TRIM29: variants seen among roughly 807,000 people sequenced by gnomAD.
The protein encoded by TRIM29 is tripartite motif containing 29.
Under a neutral mutation model 57.3 loss-of-function variants are expected in TRIM29, and 52 were observed. The ratio of observed to expected loss-of-function variants is 0.91; its 90% confidence interval spans 0.73 to 1.14. TRIM29 has a LOEUF of 1.14. Ranked by LOEUF, TRIM29 falls within the 50% of genes most tolerant of loss-of-function variation. The probability of loss-of-function intolerance (pLI) is 0.00; values close to 1 mark genes in which losing one functional copy is unlikely to be tolerated. For missense variants in TRIM29, 753 were observed against 774.6 expected, an observed-to-expected ratio of 0.97 and a Z score of 0.33; for synonymous variants, 319 against 316.9, an observed-to-expected ratio of 1.01 and a Z score of -0.07.
intron 1 of TRIM29, among the ~76,000 whole-genome samples, chr11:120,130,803 G>C (rs972030671): frequency 6.6e-6 from 1 of 152,216 alleles, no homozygotes; most frequent in Non-Finnish European, 1.5e-5. Context: ...TGTGCAGCAT[G>C]GTGGGCAGGT....
At chr11:120,132,548 C>T (rs1266198316) in intron 1 of TRIM29, among the ~76,000 whole-genome samples, 1 of 152,168 alleles carries the variant, frequency 6.6e-6, no homozygotes, top group Non-Finnish European at 1.5e-5. Context: ...TTCCCGAGAG[C>T]AGATGGGTGG....
intron 1 of TRIM29, among the ~76,000 whole-genome samples, chr11:120,132,249 C>T (rs999720524): frequency 1.3e-5 from 2 of 149,346 alleles, no homozygotes; most frequent in Non-Finnish European, 3.0e-5. Flanking sequence ...CCCCATTGTC[C>T]TCTGAGGCCC....
rs767975013 is a variant in TRIM29, at chr11:120,127,372, C to T, written c.1098G>A (p.Gln366=). ...VLHEDKQTRE[Q]LHSISDSVLF... Reference sequence around the variant, plus strand: ...ACACAGAGTCGCTGATGCTATGCAGCTGCTCCCGGGTCTGCTTGTCCTCAT... The same window carrying T: ...ACACAGAGTCGCTGATGCTATGCAGTTGCTCCCGGGTCTGCTTGTCCTCAT... The change falls in exon 3 of 9, where the codon CAG becomes CAA. Residue 366 remains glutamine (Q), a synonymous_variant. Coordinates refer to ENST00000341846, the MANE Select transcript of TRIM29 (RefSeq NM_012101.4). The T allele has an allele frequency of 6.2e-7, 1 of 1,614,054 alleles. No homozygotes were observed. Among genetic ancestry groups the T allele is most frequent in the Non-Finnish European group, 8.5e-7 (1 of 1,180,050 alleles).
intron 8 of TRIM29, among the ~76,000 whole-genome samples, chr11:120,113,277 C>T (rs954550882): frequency 2.6e-5 from 4 of 152,302 alleles, no homozygotes; most frequent in African/African-American, 9.6e-5. Context: ...CAGCCTTCTC[C>T]ATGTATTGTA....
chr11:120,137,136 ACCCGAGGAAG>A lies in TRIM29; in HGVS notation c.804+82_804+91del. 7.0e-7 allele frequency: 1 copy of A among 1,429,882 alleles called. No individual in the cohort carries two copies. The highest frequency in any genetic ancestry group is 9.6e-7 in the Non-Finnish European group (1 of 1,044,720). 88.6% of individuals were successfully genotyped at this position (1,429,882 alleles called of 1,614,324 possible). Reference sequence around the variant, plus strand: ...AGGACAGTAGAAACTTAAGCCCCAAACCCGAGGAAGCCCGAGTGGAGAAGATGAAGTTCGG... The same window carrying A: ...AGGACAGTAGAAACTTAAGCCCCAAACCCGAGTGGAGAAGATGAAGTTCGG... On this transcript the variant is annotated intron_variant, in intron 1 of 8. Coordinates refer to ENST00000341846, the MANE Select transcript of TRIM29 (RefSeq NM_012101.4). The surrounding 1 kb of genome is among the most constrained non-coding windows in gnomAD (Gnocchi z 6.2).
At chr11:120,123,427 G>A (rs546025813) in intron 4 of TRIM29, 87 of 467,444 alleles carry the variant, frequency 1.9e-4, no homozygotes, top group African/African-American at 1.4e-3. Context: ...TGAGACTCAG[G>A]AAGTAAGAGA....
intron 8 of TRIM29, 84 bp from the exon 9 acceptor site, chr11:120,112,560 G>T: frequency 6.9e-7 from 1 of 1,439,662 alleles, no homozygotes; most frequent in Non-Finnish European, 9.7e-7. Flanking sequence ...ACCTGCCTCA[G>T]GAGGCAGCAG....
In TRIM29 at chr11:120,125,804, T is replaced by A. The variant is rs1380954207; in HGVS notation, c.1220A>T (p.Gln407Leu). The A allele has an allele frequency of 6.2e-7, 1 of 1,614,160 alleles. No homozygotes were observed. The highest frequency in any genetic ancestry group is 8.5e-7 in the Non-Finnish European group (1 of 1,180,026). ...GTCGTCCTTGAAGTTGCCTAGTGACTGTCCCAGGCCCTCCCCCTCCAGCAG... is the reference window on the plus strand; with the variant it reads ...GTCGTCCTTGAAGTTGCCTAGTGACAGTCCCAGGCCCTCCCCCTCCAGCAG... ...HVLLEGEGLG[Q>L]SLGNFKDDLL... is the part of the protein sequence containing the mutation. The change falls in exon 4 of 9, where the codon CAG (glutamine) becomes CTG (leucine). Residue 407 changes from glutamine (Q) to leucine (L), a missense_variant. Physicochemically the swap from Gln to Leu is moderately radical, Grantham distance 113. Coordinates refer to ENST00000341846, the MANE Select transcript of TRIM29 (RefSeq NM_012101.4).
rs1345840125 is a variant in TRIM29, at chr11:120,125,953, G to T, written c.1135-64C>A. 4.6e-6 allele frequency: 7 copies of T among 1,533,372 alleles called. No individual in the cohort carries two copies. The Middle Eastern group carries it at 7.1e-4, about 156-fold the overall frequency. 95.0% of individuals were successfully genotyped at this position (1,533,372 alleles called of 1,614,324 possible). On this transcript the variant is annotated intron_variant, in intron 3 of 8. Coordinates refer to ENST00000341846, the MANE Select transcript of TRIM29 (RefSeq NM_012101.4). ...TCATGAGCTATGAGGACGCTTCTCT[G>T]CCAGGGGCTCTCACAGTGCAGCTGG... is the stretch of plus-strand genomic sequence containing the variant.
At position 120,128,477 on chromosome 11, in the gene TRIM29, T is replaced by C. The variant is rs1322019494; in HGVS notation, c.823A>G (p.Lys275Glu). Residue 275 changes from lysine (K) to glutamate (E), a missense_variant, in exon 2 of 9, where the codon AAG becomes GAG. Lys to Glu is a moderately conservative substitution (Grantham distance 56, BLOSUM62 1). Coordinates refer to ENST00000341846, the MANE Select transcript of TRIM29 (RefSeq NM_012101.4). ...AEKETELSLQ[K>E]EQLQLKIIEI... ...ATGATCTTGAGCTGCAGCTGCTCCTTTTGCAATGACAGCTCCGTCTGCAGA... is the reference window on the plus strand; with the variant it reads ...ATGATCTTGAGCTGCAGCTGCTCCTCTTGCAATGACAGCTCCGTCTGCAGA... 6.2e-7 allele frequency: 1 copy of C among 1,611,650 alleles called. No homozygotes were observed. Among genetic ancestry groups the C allele is most frequent in the Non-Finnish European group, 8.5e-7 (1 of 1,179,996 alleles).
rs760285241 is a variant in TRIM29 at position 120,137,366 on chromosome 11, G to C, written c.666C>G (p.Ala222=). 6.2e-7 allele frequency: 1 copy of C among 1,613,802 alleles called. No individual in the cohort carries two copies. The highest frequency in any genetic ancestry group is 8.5e-7 in the Non-Finnish European group (1 of 1,180,016). ...QLLEPIRDFE[A]RKCPVHGKTM... ...TCTTGCCATGCACGGGACACTTGCG[G>C]GCCTCAAAGTCCCGGATGGGCTCGA... The change falls in exon 1 of 9, where the codon GCC becomes GCG. Residue 222 remains alanine (A), a synonymous_variant. Coordinates refer to ENST00000341846, the MANE Select transcript of TRIM29 (RefSeq NM_012101.4). The surrounding 1 kb of genome is among the most constrained non-coding windows in gnomAD (Gnocchi z 6.2).
rs1017648491 is a variant in TRIM29 at position 120,112,024 on chromosome 11, G to C, written c.*390C>G. On this transcript the variant is annotated 3_prime_UTR_variant, in exon 9 of 9. Transcript: ENST00000341846. ...AGGGCCTTGGAGAGAAACGTCTATA[G>C]GCCTGGAGACAGCAGGGCGTGGGCG... The C allele has an allele frequency of 4.1e-5, 11 of 268,074 alleles. No individual in the cohort carries two copies. The highest frequency in any genetic ancestry group is 6.5e-5 in the Non-Finnish European group (9 of 138,312). The allele number at this position is 268,074 out of a possible 1,614,324, so 16.6% of individuals were successfully genotyped here.
Position 120,112,468 on chromosome 11 carries a change from G to A in TRIM29, c.1713C>T (p.Tyr571=), listed in dbSNP as rs1273133520. The stretch of plus-strand genomic sequence containing the variant: ...TGCCTTTGTTGACGTAGAATGGCCG[G>A]TAGTGAGACTGTGGGGGAAACAAGA... ...KSGKQTMLSH[Y]RPFYVNKGNG... The change falls in exon 9 of 9, where the codon TAC becomes TAT. Residue 571 remains tyrosine, a synonymous_variant. Transcript: ENST00000341846. 1 of 1,613,458 alleles carries A rather than the reference G, an allele frequency of 6.2e-7. No homozygotes were observed. The highest frequency in any genetic ancestry group is 1.3e-5 in the African/African-American group (1 of 74,850).
intron 1 of TRIM29, chr11:120,128,953 A>C: frequency 7.5e-7 from 1 of 1,333,434 alleles, no homozygotes; most frequent in Non-Finnish European, 9.7e-7. Context: ...GGCATGACGT[A>C]GGGCTGTGTT....
At chr11:120,116,773 C>T (rs774882065) in intron 7 of TRIM29, 13 of 191,150 alleles carry the variant, frequency 6.8e-5, no homozygotes, top group Non-Finnish European at 1.3e-4. Context: ...CCAAGACACC[C>T]GCCTTGTGCA....
At chr11:120,132,899 T>C (rs1428739213) in intron 1 of TRIM29, among the ~76,000 whole-genome samples, 2 of 152,068 alleles carry the variant, frequency 1.3e-5, no homozygotes. Context: ...CAGCCTCAGG[T>C]CAGGGGAGGG....
intron 3 of TRIM29, 126 bp downstream of exon 3, chr11:120,127,210 A>C (rs1480238144): frequency 1.8e-5 from 14 of 757,062 alleles, no homozygotes; most frequent in Non-Finnish European, 3.0e-5. Flanking sequence ...GGATGGCTGG[A>C]TGGTGGATGA....
chr11:120,112,449 T>A lies in TRIM29; in HGVS notation c.1732A>T (p.Lys578Ter). ...LSHYRPFYVN[K>*]GNGIGSNEAP ...TCGTTGGACCCAATCCCGTTGCCTT[T>A]GTTGACGTAGAATGGCCGGTAGTGA... The change falls in exon 9 of 9, where the codon AAA becomes TAA. Residue 578 changes from lysine (K) to a stop codon, truncating the protein, a stop_gained. Transcript: ENST00000341846. LOFTEE classifies it high-confidence loss of function. 6.2e-7 allele frequency: 1 copy of A among 1,613,126 alleles called. No individual in the cohort carries two copies. Among genetic ancestry groups the A allele is most frequent in the Non-Finnish European group, 8.5e-7 (1 of 1,179,686 alleles).
Position 120,115,343 on chromosome 11 carries a change from T to C in TRIM29, c.1699A>G (p.Met567Val). 6.2e-7 allele frequency: 1 copy of C among 1,613,408 alleles called. No homozygotes were observed. Among genetic ancestry groups the C allele is most frequent in the Non-Finnish European group, 8.5e-7 (1 of 1,179,798 alleles). Residue 567 changes from methionine (M) to valine (V), a missense_variant, in exon 8 of 9, where the codon ATG becomes GTG. By Grantham distance (21) the Met-to-Val change is conservative (BLOSUM62 1). Transcript: ENST00000341846. ...PQTWKSGKQT[M>V]LSHYRPFYVN... Reference sequence around the variant, plus strand: ...CCCGGCAGCACTTCCCTTACCAGCATAGTCTGCTTGCCAGATTTCCAAGTC... The same window carrying C: ...CCCGGCAGCACTTCCCTTACCAGCACAGTCTGCTTGCCAGATTTCCAAGTC...
Sources: gnomAD v4.1 joint callset for allele counts (sites outside exome capture counted in the v4.1 genomes callset) on GRCh38, gnomAD v4.1.1 for gene constraint, Gnocchi (gnomAD v3.1) non-coding constraint, MANE v1.5 for transcripts, NCBI Gene and HGNC (gene_info 2026-07-23, HGNC 2026-07-21) for gene names.